The following RBL2 variants were observed in gnomAD, a reference collection of about 807,000 sequenced individuals.
RBL2 encodes retinoblastoma-like protein 2.
In RBL2, 56 loss-of-function variants were observed where a neutral mutation model predicts 126.0. The ratio of observed to expected loss-of-function variants is 0.44; its 90% confidence interval spans 0.36 to 0.56. RBL2 has a LOEUF of 0.56. Ranked by LOEUF, RBL2 falls within the 20% of genes least tolerant of loss-of-function variation. The pLI is 0.00. For synonymous variants in RBL2, 454 were observed against 478.5 expected (o/e 0.95, Z 0.67); for missense variants, 1,229 against 1,398.2 (o/e 0.88, Z 1.93).
At chr16:53,439,810 A>G (rs2057996123) in intron 2 of RBL2, among the ~76,000 whole-genome samples, 1 of 152,020 alleles carries the variant, frequency 6.6e-6, no homozygotes, top group Non-Finnish European at 1.5e-5. Context: ...AAAATCACTT[A>G]CTAAATAAAA....
At chr16:53,463,340 T>C (rs1190869164) in intron 11 of RBL2, among the ~76,000 whole-genome samples, 1 of 152,100 alleles carries the variant, frequency 6.6e-6, no homozygotes, top group Non-Finnish European at 1.5e-5. Context: ...TTTGGGTTTG[T>C]TGTTGAGACA....
rs199538079 is a variant in RBL2, at chr16:53,462,536, T to A, written c.1457-16T>A. ...GTGCCATTTTTGTGGGGTTTTTTTT[T>A]TTATTATTTCTACAGAAATTGCCAG... On this transcript the variant is annotated splice_polypyrimidine_tract_variant and intron_variant, in intron 10 of 21. Coordinates refer to ENST00000262133, the MANE Select transcript of RBL2 (RefSeq NM_005611.4). The A allele has an allele frequency of 8.9e-6, 13 of 1,459,978 alleles. No individual in the cohort carries two copies. Among genetic ancestry groups the A allele is most frequent in the African/African-American group, 7.3e-5 (5 of 68,154 alleles). The allele number at this position is 1,459,978 out of a possible 1,614,324, so 90.4% of individuals were successfully genotyped here. A position where few individuals can be genotyped will look rare whatever the true frequency, so the allele number is the denominator to read the frequency against.
chr16:53,487,442 A>G (rs1334602493), intron 21 of RBL2, among the ~76,000 whole-genome samples: 1 of 152,246 alleles, frequency 6.6e-6, no homozygotes, highest in Non-Finnish European at 1.5e-5. Flanking sequence ...TGGTAGAGAA[A>G]GGATAGCCTT....
At position 53,470,791 on chromosome 16, in the gene RBL2, C is replaced by T; in HGVS notation, c.2572C>T (p.Leu858=). 1.2e-6 allele frequency: 2 copies of T among 1,614,196 alleles called. No individual in the cohort carries two copies. Among genetic ancestry groups the T allele is most frequent in the Non-Finnish European group, 1.7e-6 (2 of 1,180,044 alleles). The change falls in exon 17 of 22, where the codon CTA becomes TTA. Residue 858 remains leucine, a synonymous_variant. Transcript: ENST00000262133. ...AVRLRDLCAK[L]DISDELRKKI... ...CCGCCTTCGGGATCTCTGTGCCAAA[C>T]TAGATATTTCAGATGAATTGAGGAA...
chr16:53,490,501 T>C lies in RBL2; in HGVS notation c.*201T>C, dbSNP rs933596710. 2.4e-6 allele frequency: 1 copy of C among 412,570 alleles called. No homozygotes were observed. Among genetic ancestry groups the C allele is most frequent in the African/African-American group, 2.0e-5 (1 of 48,850 alleles). The allele number at this position is 412,570 out of a possible 1,614,324, so 25.6% of individuals were successfully genotyped here. ...TTAATTCATCCCAACTGTCTTTTTT[T>C]CCCTACCATTCAGTGATTACTGTCA... On this transcript the variant is annotated 3_prime_UTR_variant, in exon 22 of 22. Coordinates refer to ENST00000262133, the MANE Select transcript of RBL2 (RefSeq NM_005611.4).
chr16:53,479,257 A>G (rs746025699), intron 18 of RBL2, 32 bp downstream of exon 18: 1 of 1,574,206 alleles, frequency 6.4e-7, no homozygotes, highest in Non-Finnish European at 8.7e-7. Context: ...GCTGAAAAAT[A>G]AAGCTTAAAG....
At position 53,479,895 on chromosome 16, in the gene RBL2, A is replaced by C. The variant is rs61759889; in HGVS notation, c.2785A>C (p.Ser929Arg). Residue 929 changes from serine to arginine, a missense_variant, in exon 19 of 22, where the codon AGT (serine) becomes CGT (arginine). Transcript: ENST00000262133. ...QPQARSQVYR[S>R]VLIKGKRKRR... is the part of the protein sequence containing the mutation. ...CATTGTTTCTCTAAAGGTGTATAGA[A>C]GTGTTTTGATAAAAGGGAAAAGAAA... 5.1e-4 allele frequency: 808 copies of C among 1,597,762 alleles called. No individual in the cohort carries two copies. The highest frequency in any genetic ancestry group is 6.7e-4 in the Non-Finnish European group (780 of 1,166,912).
chr16:53,490,043 C>A, intron 21 of RBL2, 87 bp from the exon 22 acceptor site: 1 of 1,063,218 alleles, frequency 9.4e-7, no homozygotes, highest in Non-Finnish European at 1.3e-6. Flanking sequence ...CCAGGGTAAA[C>A]TGCTTAACTC....
intron 11 of RBL2, among the ~76,000 whole-genome samples, chr16:53,463,970 G>A (rs910097884): frequency 1.3e-5 from 2 of 152,104 alleles, no homozygotes; most frequent in South Asian, 2.1e-4. Flanking sequence ...TTTGGTTAGA[G>A]ATGTAATCTC....
chr16:53,471,819 G>A lies in RBL2; in HGVS notation c.2703+897G>A, dbSNP rs1374647161. On this transcript the variant is annotated intron_variant, in intron 17 of 21. Transcript: ENST00000262133. The stretch of plus-strand genomic sequence containing the variant: ...TTTAGGAGCATTTAGCACATTTACA[G>A]TACTAAGTGTAATAAATGGTTGTAT... Among the ~76,000 whole-genome samples, 9 of 152,216 alleles carry A rather than the reference G, an allele frequency of 5.9e-5. No homozygotes were observed. The East Asian group carries it at 1.5e-3, about 26-fold the overall frequency.
At position 53,434,680 on chromosome 16, in the gene RBL2, A is replaced by G. The variant is rs1475625075; in HGVS notation, c.124A>G (p.Thr42Ala). The change falls in exon 1 of 22, where the codon ACC becomes GCC. Residue 42 changes from threonine (T) to alanine (A), a missense_variant. Coordinates refer to ENST00000262133, the MANE Select transcript of RBL2 (RefSeq NM_005611.4). ...CGCCGCGCCGCCTGCCGAGTCGCCC[A>G]CCCCTCAGATCCAGCAGCGGTTCGA... is the stretch of plus-strand genomic sequence containing the variant. ...EDAAPPAESP[T>A]PQIQQRFDEL... 6.4e-7 allele frequency: 1 copy of G among 1,569,810 alleles called. No individual in the cohort carries two copies. The highest frequency in any genetic ancestry group is 8.6e-7 in the Non-Finnish European group (1 of 1,168,254).
rs752621717 is a variant in RBL2, at chr16:53,479,140, T to G, written c.2704-14T>G. ...AGTTGCCATGTCTCTCAGAGCACTC[T>G]TATTGTTTGCCAGGTCACAAAAGAA... On this transcript the variant is annotated splice_polypyrimidine_tract_variant and intron_variant, in intron 17 of 21. Coordinates refer to ENST00000262133, the MANE Select transcript of RBL2 (RefSeq NM_005611.4). 6.2e-7 allele frequency: 1 copy of G among 1,606,304 alleles called. No homozygotes were observed. Among genetic ancestry groups the G allele is most frequent in the East Asian group, 2.2e-5 (1 of 44,858 alleles).
At chr16:53,435,690 A>G in intron 1 of RBL2, 1 of 1,289,100 alleles carries the variant, frequency 7.8e-7, no homozygotes, top group Non-Finnish European at 1.0e-6. Context: ...TCGTTTTATA[A>G]TTAATTTGTA....
chr16:53,459,200 C>G (rs1303483922), intron 8 of RBL2, among the ~76,000 whole-genome samples: 3 of 152,130 alleles, frequency 2.0e-5, no homozygotes, highest in African/African-American at 7.2e-5. Context: ...AAGAGACAAA[C>G]TTTTAGTTAG....
At position 53,439,002 on chromosome 16, in the gene RBL2, C is replaced by G. The variant is rs2057986490; in HGVS notation, c.241-14C>G. 6.5e-7 allele frequency: 1 copy of G among 1,529,436 alleles called. No homozygotes were observed. 94.7% of individuals were successfully genotyped at this position (1,529,436 alleles called of 1,614,324 possible). ...AGCTTTTTAACTAAAAATCAATTTT[C>G]TTTTCTTTTACAGGGAAATGATCTT... On this transcript the variant is annotated splice_polypyrimidine_tract_variant and intron_variant, in intron 1 of 21. Coordinates refer to ENST00000262133, the MANE Select transcript of RBL2 (RefSeq NM_005611.4).
intron 3 of RBL2, among the ~76,000 whole-genome samples, chr16:53,444,427 C>G (rs907582069): frequency 1.3e-5 from 2 of 151,808 alleles, no homozygotes; most frequent in Non-Finnish European, 2.9e-5. Flanking sequence ...GTGGTGGGTG[C>G]CTGTAATCCC....
Position 53,434,504 on chromosome 16 carries a change from C to CT in RBL2, c.-52dup. ...GGCGGGCGCTTCGCCGTTTGAATGG[C>CT]TGCGGGCCCGGGCCCTCACCTCACC... On this transcript the variant is annotated 5_prime_UTR_variant, in exon 1 of 22. It removes the in-frame stop codon of an upstream open reading frame in the 5' UTR. Coordinates refer to ENST00000262133, the MANE Select transcript of RBL2 (RefSeq NM_005611.4). The CT allele has an allele frequency of 1.5e-6, 2 of 1,346,778 alleles. No homozygotes were observed. Among genetic ancestry groups the CT allele is most frequent in the Non-Finnish European group, 1.9e-6 (2 of 1,053,884 alleles). The allele number at this position is 1,346,778 out of a possible 1,614,324, so 83.4% of individuals were successfully genotyped here.
At position 53,465,480 on chromosome 16, in the gene RBL2, G is replaced by C; in HGVS notation, c.1741G>C (p.Glu581Gln). The C allele has an allele frequency of 6.3e-7, 1 of 1,584,330 alleles. No individual in the cohort carries two copies. Among genetic ancestry groups the C allele is most frequent in the Non-Finnish European group, 8.6e-7 (1 of 1,166,166 alleles). Residue 581 changes from glutamate (E) to glutamine (Q), a missense_variant, in exon 13 of 22, where the codon GAG (glutamate) becomes CAG (glutamine). By Grantham distance (29) the Glu-to-Gln change is conservative (BLOSUM62 2). This residue lies in a region of RBL2 where 1,070 missense variants were observed against 1,274.3 expected (regional missense o/e 0.84). Transcript: ENST00000262133. ...TAGAGCAGAAGATGGCCTTTGTAGAGAGGTGGTAAAACACCTTAATCAGAT... is the reference window on the plus strand; with the variant it reads ...TAGAGCAGAAGATGGCCTTTGTAGACAGGTGGTAAAACACCTTAATCAGAT... ...FIRAEDGLCR[E>Q]VVKHLNQIEE... is the part of the protein sequence containing the mutation.
intron 14 of RBL2, among the ~76,000 whole-genome samples, chr16:53,469,703 G>A (rs1254003667): frequency 2.0e-5 from 3 of 152,152 alleles, no homozygotes; most frequent in African/African-American, 7.2e-5. Flanking sequence ...AAAAAATTCC[G>A]TTTTAAAATT....
Sources: gnomAD v4.1 joint callset for allele counts (sites outside exome capture counted in the v4.1 genomes callset) on GRCh38, gnomAD v4.1.1 for gene constraint, gnomAD v4.1.1 regional missense constraint, MANE v1.5 for transcripts, NCBI Gene and HGNC (gene_info 2026-07-23, HGNC 2026-07-21) for gene names.